SERTAD4: variants seen among roughly 807,000 people sequenced by gnomAD.
The protein encoded by SERTAD4 is SERTA domain-containing protein 4.
Under a neutral mutation model 32.9 loss-of-function variants are expected in SERTAD4, and 18 were observed. That is an observed-to-expected ratio of 0.55 (90% CI 0.38 to 0.81). The LOEUF is 0.81. Among genes scored for constraint, SERTAD4 ranks in the 30% least tolerant of loss-of-function variants. The probability of loss-of-function intolerance (pLI) is 0.00; values close to 1 mark genes in which losing one functional copy is unlikely to be tolerated. For synonymous variants in SERTAD4, 150 were observed against 156.4 expected (o/e 0.96, Z 0.30); for missense variants, 383 against 426.0 (o/e 0.90, Z 0.89).
At position 210,244,791 on chromosome 1, in the gene SERTAD4, A is replaced by T. The variant is rs1045224328; in HGVS notation, c.*2454A>T. 6 of 151,748 alleles carry T rather than the reference A, an allele frequency of 4.0e-5. No homozygotes were observed. The highest frequency in any genetic ancestry group is 7.4e-5 in the Non-Finnish European group (5 of 67,948). 9.4% of individuals were successfully genotyped at this position (151,748 alleles called of 1,614,324 possible). A position where few individuals can be genotyped will look rare whatever the true frequency, so the allele number is the denominator to read the frequency against. The stretch of plus-strand genomic sequence containing the variant: ...TGAGCGCCTGCACCTGTTCGGTAGA[A>T]CCCACTAGAATCACTTCTCTGTAGG... On this transcript the variant is annotated 3_prime_UTR_variant, in exon 4 of 4. Coordinates refer to ENST00000367012, the MANE Select transcript of SERTAD4 (RefSeq NM_019605.5).
rs993750413 is a variant in SERTAD4, at chr1:210,242,101, G to A, written c.835G>A (p.Ala279Thr). ...NVRSLGVQEK[A>T]KLNDEKANDD... ...CAGATCACTTGGTGTTCAGGAAAAG[G>A]CCAAATTAAATGATGAGAAAGCAAA... is the stretch of plus-strand genomic sequence containing the variant. The change falls in exon 4 of 4, where the codon GCC becomes ACC. Residue 279 changes from alanine to threonine, a missense_variant. Physicochemically the swap from Ala to Thr is moderately conservative, Grantham distance 58 (BLOSUM62 0). This residue lies in a region of SERTAD4 where 180 missense variants were observed against 190.6 expected (regional missense o/e 0.94). Transcript: ENST00000367012. This position sits in a 1 kb window ranked among gnomAD's most constrained non-coding sequence, Gnocchi z 4.0. The A allele has an allele frequency of 2.5e-6, 4 of 1,614,048 alleles. No individual in the cohort carries two copies. The highest frequency in any genetic ancestry group is 2.7e-5 in the African/African-American group (2 of 74,914).
At chr1:210,239,296 A>G (rs1170752130) in intron 2 of SERTAD4, among the ~76,000 whole-genome samples, 197 bp from the exon 3 acceptor site, 25 of 152,218 alleles carry the variant, frequency 1.6e-4, no homozygotes, top group Admixed American at 1.6e-3. Flanking sequence ...ATAATTGCCT[A>G]GAAATCTTTT....
intron 1 of SERTAD4, among the ~76,000 whole-genome samples, chr1:210,233,413 G>A (rs1188878920): frequency 6.6e-6 from 1 of 152,226 alleles, no homozygotes; most frequent in East Asian, 1.9e-4. Flanking sequence ...CTCATCGTAG[G>A]GGAAGGGGTT....
chr1:210,242,076 C>T lies in SERTAD4; in HGVS notation c.810C>T (p.Val270=), dbSNP rs2084003754. 2.5e-6 allele frequency: 4 copies of T among 1,614,118 alleles called. No homozygotes were observed. The highest frequency in any genetic ancestry group is 2.5e-6 in the Non-Finnish European group (3 of 1,180,012). ...CCAATGAAATCTTTGTCACTAATGT[C>T]AGATCACTTGGTGTTCAGGAAAAGG... ...IPANEIFVTN[V]RSLGVQEKAK... is the part of the protein sequence containing the mutation. The change falls in exon 4 of 4, where the codon GTC becomes GTT. Residue 270 remains valine (V), a synonymous_variant. Transcript: ENST00000367012. The surrounding 1 kb of genome is among the most constrained non-coding windows in gnomAD (Gnocchi z 4.0).
rs1200626518 is a variant in SERTAD4 at position 210,246,028 on chromosome 1, A to C, written c.*3691A>C. On this transcript the variant is annotated 3_prime_UTR_variant, in exon 4 of 4. Transcript: ENST00000367012. Reference sequence around the variant, plus strand: ...TTTCATTTGTAGTTAAGGTTATCACATCCCTGCCAATTTTACTAGATTTTT... The same window carrying C: ...TTTCATTTGTAGTTAAGGTTATCACCTCCCTGCCAATTTTACTAGATTTTT... 1 of 662,500 alleles carries C rather than the reference A, an allele frequency of 1.5e-6. No individual in the cohort carries two copies. The highest frequency in any genetic ancestry group is 2.0e-5 in the African/African-American group (1 of 50,850). The allele number at this position is 662,500 out of a possible 1,614,324, so 41.0% of individuals were successfully genotyped here.
At position 210,244,106 on chromosome 1, in the gene SERTAD4, T is replaced by A. The variant is rs1364435867; in HGVS notation, c.*1769T>A. The A allele has an allele frequency of 3.3e-5, 5 of 152,172 alleles. No individual in the cohort carries two copies. The highest frequency in any genetic ancestry group is 9.7e-5 in the African/African-American group (4 of 41,442). The allele number at this position is 152,172 out of a possible 1,614,324, so 9.4% of individuals were successfully genotyped here. A position where few individuals can be genotyped will look rare whatever the true frequency, so the allele number is the denominator to read the frequency against. ...ATTAAGATGATAAAAATTCATTAAG[T>A]TTTTTAAATTTTAATGGCTATTGGC... is the stretch of plus-strand genomic sequence containing the variant. On this transcript the variant is annotated 3_prime_UTR_variant, in exon 4 of 4. Coordinates refer to ENST00000367012, the MANE Select transcript of SERTAD4 (RefSeq NM_019605.5).
intron 3 of SERTAD4, among the ~76,000 whole-genome samples, chr1:210,240,301 T>C (rs568306146): frequency 6.6e-6 from 1 of 152,336 alleles, no homozygotes; most frequent in African/African-American, 2.4e-5. Flanking sequence ...ATCTGCTGAT[T>C]TAATCAAGGC....
Position 210,242,294 on chromosome 1 carries a change from C to T in SERTAD4, c.1028C>T (p.Pro343Leu). Residue 343 changes from proline to leucine, a missense_variant, in exon 4 of 4, where the codon CCA (proline) becomes CTA (leucine). Physicochemically the swap from Pro to Leu is moderately conservative, Grantham distance 98 (BLOSUM62 -3). This residue lies in a region of SERTAD4 where 180 missense variants were observed against 190.6 expected (regional missense o/e 0.94). Transcript: ENST00000367012. The surrounding 1 kb of genome is among the most constrained non-coding windows in gnomAD (Gnocchi z 4.0). ...KKSLRKKEAS[P>L]PSNKLCCSKG... ...TCCTTACGGAAAAAGGAGGCTTCAC[C>T]ACCAAGTAACAAACTGTGCTGCAGC... 1.2e-6 allele frequency: 2 copies of T among 1,603,710 alleles called. No individual in the cohort carries two copies. The highest frequency in any genetic ancestry group is 2.2e-5 in the East Asian group (1 of 44,838).
intron 1 of SERTAD4, among the ~76,000 whole-genome samples, chr1:210,236,298 A>T (rs1158185815): frequency 1.3e-5 from 2 of 152,174 alleles, no homozygotes; most frequent in Admixed American, 1.3e-4. Context: ...GTCTCTTTGG[A>T]GGGCATCTTA....
At position 210,242,278 on chromosome 1, in the gene SERTAD4, A is replaced by T; in HGVS notation, c.1012A>T (p.Lys338Ter). Residue 338 changes from lysine (K) to a stop codon, truncating the protein, a stop_gained, in exon 4 of 4, where the codon AAA becomes TAA. Coordinates refer to ENST00000367012, the MANE Select transcript of SERTAD4 (RefSeq NM_019605.5). LOFTEE classifies it high-confidence loss of function. The surrounding 1 kb of genome is among the most constrained non-coding windows in gnomAD (Gnocchi z 4.0). ...TGAATCTTGGAAAAAGTCCTTACGG[A>T]AAAAGGAGGCTTCACCACCAAGTAA... ...VNESWKKSLR[K>*]KEASPPSNKL... is the part of the protein sequence containing the mutation. 1 of 1,608,306 alleles carries T rather than the reference A, an allele frequency of 6.2e-7. No homozygotes were observed. The highest frequency in any genetic ancestry group is 1.1e-5 in the South Asian group (1 of 89,522).
chr1:210,236,707 A>G (rs558778992), intron 1 of SERTAD4, among the ~76,000 whole-genome samples: 2 of 152,224 alleles, frequency 1.3e-5, no homozygotes, highest in Non-Finnish European at 2.9e-5. Context: ...TGTTTGAAAG[A>G]CAATCAATCT....
At chr1:210,234,741 G>A (rs552730052) in intron 1 of SERTAD4, among the ~76,000 whole-genome samples, 34 of 152,296 alleles carry the variant, frequency 2.2e-4, no homozygotes, top group East Asian at 1.2e-3. Flanking sequence ...GATGGAAGAA[G>A]AAGTGAGCAA....
intron 2 of SERTAD4, among the ~76,000 whole-genome samples, chr1:210,238,382 T>A (rs1278639478): frequency 6.6e-6 from 1 of 152,202 alleles, no homozygotes; most frequent in African/African-American, 2.4e-5. Context: ...AAGTCATGTG[T>A]CTGTATTTTT....
Position 210,242,608 on chromosome 1 carries a change from A to G in SERTAD4, c.*271A>G. 8.6e-7 allele frequency: 1 copy of G among 1,167,098 alleles called. No homozygotes were observed. The highest frequency in any genetic ancestry group is 1.1e-6 in the Non-Finnish European group (1 of 947,962). 72.3% of individuals were successfully genotyped at this position (1,167,098 alleles called of 1,614,324 possible). A position where few individuals can be genotyped will look rare whatever the true frequency, so the allele number is the denominator to read the frequency against. ...GTTTTCTTACGGAAAAGATCAGTAG[A>G]TGAGATTGGGGGACAATGTGCCCTT... On this transcript the variant is annotated 3_prime_UTR_variant, in exon 4 of 4. Transcript: ENST00000367012. The surrounding 1 kb of genome is among the most constrained non-coding windows in gnomAD (Gnocchi z 4.0).
rs2083999160 is a variant in SERTAD4 at position 210,241,858 on chromosome 1, C to T, written c.592C>T (p.His198Tyr). 1.9e-6 allele frequency: 3 copies of T among 1,614,132 alleles called. No homozygotes were observed. Among genetic ancestry groups the T allele is most frequent in the Non-Finnish European group, 2.5e-6 (3 of 1,180,026 alleles). The change falls in exon 4 of 4, where the codon CAC becomes TAC. Residue 198 changes from histidine to tyrosine, a missense_variant. Physicochemically the swap from His to Tyr is moderately conservative, Grantham distance 83. Coordinates refer to ENST00000367012, the MANE Select transcript of SERTAD4 (RefSeq NM_019605.5). Reference protein sequence around the residue: ...ACCFYQECGGHYLNLPLSVNA... With the variant: ...ACCFYQECGGYYLNLPLSVNA... ...CTGCTTTTACCAAGAATGTGGTGGCCACTACCTAAATTTACCCCTTTCTGT... is the reference window on the plus strand; with the variant it reads ...CTGCTTTTACCAAGAATGTGGTGGCTACTACCTAAATTTACCCCTTTCTGT...
Position 210,245,641 on chromosome 1 carries a change from A to G in SERTAD4, c.*3304A>G. ...CCTTTTATTAAGACAACAGAAATTTAGAACATTTTACATGCTTCTTTGTTA... is the reference window on the plus strand; with the variant it reads ...CCTTTTATTAAGACAACAGAAATTTGGAACATTTTACATGCTTCTTTGTTA... On this transcript the variant is annotated 3_prime_UTR_variant, in exon 4 of 4. Transcript: ENST00000367012. The G allele has an allele frequency of 1.3e-5, 3 of 222,762 alleles. No individual in the cohort carries two copies. Among genetic ancestry groups the G allele is most frequent in the Non-Finnish European group, 2.3e-5 (3 of 132,544 alleles). 13.8% of individuals were successfully genotyped at this position (222,762 alleles called of 1,614,324 possible).
chr1:210,237,921 G>GTT (rs11347154), intron 1 of SERTAD4, 23 bp from the exon 2 acceptor site: 2,907 of 1,336,852 alleles, frequency 2.2e-3, no homozygotes, highest in South Asian at 5.9e-3. Context: ...CTTCATTCTT[G>GTT]TTTTTTTTTT....
rs2084013134 is a variant in SERTAD4 at position 210,242,925 on chromosome 1, C to G, written c.*588C>G. The G allele has an allele frequency of 1.2e-5, 12 of 985,860 alleles. No individual in the cohort carries two copies. The highest frequency in any genetic ancestry group is 1.4e-5 in the Non-Finnish European group (12 of 830,074). 61.1% of individuals were successfully genotyped at this position (985,860 alleles called of 1,614,324 possible). On this transcript the variant is annotated 3_prime_UTR_variant, in exon 4 of 4. Coordinates refer to ENST00000367012, the MANE Select transcript of SERTAD4 (RefSeq NM_019605.5). This position sits in a 1 kb window ranked among gnomAD's most constrained non-coding sequence, Gnocchi z 4.0. ...CTAGGGGCGGCAATCAACAGTCTTA[C>G]ACAGAGAGGGTATTCCCTGCAAGTT...
At position 210,237,537 on chromosome 1, in the gene SERTAD4, G is replaced by T. The variant is rs74156111; in HGVS notation, c.-17-407G>T. 460 of 171,104 alleles carry T rather than the reference G, an allele frequency of 2.7e-3. 3 individuals carry two copies. The highest frequency in any genetic ancestry group is 0.01 in the African/African-American group (436 of 41,608). 10.6% of individuals were successfully genotyped at this position (171,104 alleles called of 1,614,324 possible). A position where few individuals can be genotyped will look rare whatever the true frequency, so the allele number is the denominator to read the frequency against. On this transcript the variant is annotated intron_variant, in intron 1 of 3. Transcript: ENST00000367012. ...GTGGATTTCATCAAAGGAGACTCCC[G>T]GGGGATTGACTAGAAAATTGATTTT...
Sources: allele counts gnomAD v4.1 joint callset (sites outside exome capture counted in the v4.1 genomes callset), GRCh38; gene constraint gnomAD v4.1.1; regional missense constraint gnomAD v4.1.1; non-coding constraint Gnocchi (gnomAD v3.1); transcripts MANE v1.5; gene names NCBI Gene and HGNC (gene_info 2026-07-23, HGNC 2026-07-21).